MYO1F: variants seen among roughly 807,000 people sequenced by gnomAD.
MYO1F encodes the protein myosin IF.
MYO1F carries 60 observed loss-of-function variants against 146.6 expected under a neutral mutation model. That is an observed-to-expected ratio of 0.41 (90% CI 0.33 to 0.51). The LOEUF is 0.51. Among genes scored for constraint, MYO1F ranks in the 20% least tolerant of loss-of-function variants. The pLI, the probability that MYO1F is intolerant of heterozygous loss-of-function variation, is 0.25. For missense variants in MYO1F, 1,274 were observed against 1,534.3 expected (o/e 0.83, Z 2.83); for synonymous variants, 602 against 602.1 (o/e 1.00, Z 0.00).
intron 16 of MYO1F, 117 bp from the exon 17 acceptor site, chr19:8,537,172 GGTAAC>G (rs1406286469): frequency 1.1e-5 from 8 of 726,916 alleles, no homozygotes; most frequent in Non-Finnish European, 1.9e-5. Flanking sequence ...GGTGAGGGCT[GGTAAC>G]AGATAAGCCA....
rs757164846 is a variant in MYO1F at position 8,536,995 on chromosome 19, T to C, written c.1753A>G (p.Ile585Val). The change falls in exon 17 of 28, where the codon ATC becomes GTC. Residue 585 changes from isoleucine (I) to valine (V), a missense_variant. Around this residue, in one of 2 missense-constraint regions of MYO1F, gnomAD observed 900 missense variants for 1,155.1 expected, o/e 0.78. Transcript: ENST00000644032. ...MRCTPHYIRC[I>V]KPNETKRPRD... Reference sequence around the variant, plus strand: ...GGCCTCTTGGTCTCGTTGGGTTTGATGCAGCGGATGTAGTGGGGTGTGCAC... The same window carrying C: ...GGCCTCTTGGTCTCGTTGGGTTTGACGCAGCGGATGTAGTGGGGTGTGCAC... The C allele has an allele frequency of 6.2e-7, 1 of 1,612,428 alleles. No homozygotes were observed. The highest frequency in any genetic ancestry group is 2.2e-5 in the East Asian group (1 of 44,754).
At chr19:8,538,573 C>G (rs1308826792) in intron 16 of MYO1F, among the ~76,000 whole-genome samples, 1 of 149,874 alleles carries the variant, frequency 6.7e-6, no homozygotes, top group Non-Finnish European at 1.5e-5. Flanking sequence ...TGAGCCATTG[C>G]TCCCGGTCTG....
chr19:8,552,998 C>T (rs560118407), intron 6 of MYO1F, 141 bp downstream of exon 6: 3 of 811,828 alleles, frequency 3.7e-6, no homozygotes, highest in Non-Finnish European at 6.4e-6. Flanking sequence ...AAGTGAGTCT[C>T]CCCTTCAGGA....
chr19:8,532,889 GAAAA>G (rs60096210), intron 19 of MYO1F, among the ~76,000 whole-genome samples: 1 of 113,746 alleles, frequency 8.8e-6, no homozygotes, highest in Admixed American at 9.5e-5. Context: ...TCCTGTCTCA[GAAAA>G]AAAAAAAAAT....
At chr19:8,526,396 A>C in intron 24 of MYO1F, 57 bp downstream of exon 24, 2 of 1,542,282 alleles carry the variant, frequency 1.3e-6, no homozygotes, top group Non-Finnish European at 1.7e-6. Context: ...GCCTTCGTCC[A>C]CTCTTAACCA....
chr19:8,556,059 C>T lies in MYO1F; in HGVS notation c.4-263G>A, dbSNP rs934137877. ...ATTTATTTATTTTGAGACAGAGTCT[C>T]ACTCTGTCAGTCAGGCTGGGGTGCA... On this transcript the variant is annotated intron_variant, in intron 1 of 27. Coordinates refer to ENST00000644032, the MANE Select transcript of MYO1F (RefSeq NM_012335.4). 2.6e-5 allele frequency among the ~76,000 whole-genome samples: 4 copies of T among 151,394 alleles called. No homozygotes were observed. The South Asian group carries it at 6.3e-4, about 24-fold the overall frequency.
intron 1 of MYO1F, among the ~76,000 whole-genome samples, chr19:8,559,810 C>T (rs970866163): frequency 8.6e-5 from 13 of 151,828 alleles, no homozygotes; most frequent in East Asian, 3.9e-4. Flanking sequence ...ATTAGCTGGG[C>T]GTGGTGGCGC....
chr19:8,552,208 G>C, intron 6 of MYO1F, 44 bp from the exon 7 acceptor site: 1 of 1,612,456 alleles, frequency 6.2e-7, no homozygotes, highest in South Asian at 1.1e-5. Context: ...GTCCTGGGGT[G>C]CAGGTGGGGG....
chr19:8,553,894 A>ACACACACACACACACTCTCT, intron 4 of MYO1F, among the ~76,000 whole-genome samples: 43 of 102,658 alleles, frequency 4.2e-4, no homozygotes, highest in African/African-American at 1.4e-3. Flanking sequence ...ACACACACAC[A>ACACACACACACACACTCTCT]CTCTCTCTCT....
At position 8,536,943 on chromosome 19, in the gene MYO1F, G is replaced by A. The variant is rs1303729551; in HGVS notation, c.1799+6C>T. The stretch of plus-strand genomic sequence containing the variant: ...AATGAATCTTGGATTGGTTGGGGGG[G>A]ATCACCTGTTCTCCTCCCAGTCTCG... On this transcript the variant is annotated splice_donor_region_variant and intron_variant, in intron 17 of 27. Coordinates refer to ENST00000644032, the MANE Select transcript of MYO1F (RefSeq NM_012335.4). The A allele has an allele frequency of 7.4e-7, 1 of 1,351,248 alleles. No individual in the cohort carries two copies. Among genetic ancestry groups the A allele is most frequent in the Non-Finnish European group, 1.0e-6 (1 of 997,604 alleles). The allele number at this position is 1,351,248 out of a possible 1,614,324, so 83.7% of individuals were successfully genotyped here. A position where few individuals can be genotyped will look rare whatever the true frequency, so the allele number is the denominator to read the frequency against.
intron 2 of MYO1F, 48 bp from the exon 3 acceptor site, chr19:8,554,791 C>G (rs1319915867): frequency 6.5e-7 from 1 of 1,550,320 alleles, no homozygotes; most frequent in East Asian, 2.2e-5. Context: ...GTTTTGTCCT[C>G]CCTGTCCCCT....
chr19:8,548,003 G>A (rs760271243), intron 12 of MYO1F, 33 bp downstream of exon 12: 70 of 655,498 alleles, frequency 1.1e-4, no homozygotes, highest in Admixed American at 2.3e-4. Context: ...CCCCACCCCA[G>A]GATCCCCCAT....
chr19:8,567,793 C>T (rs191704219), intron 1 of MYO1F, among the ~76,000 whole-genome samples: 7 of 152,226 alleles, frequency 4.6e-5, no homozygotes, highest in Admixed American at 2.0e-4. Flanking sequence ...TATCAGAGAT[C>T]GCCGGGGTTG....
intron 1 of MYO1F, among the ~76,000 whole-genome samples, chr19:8,561,386 C>T (rs1974102716): frequency 8.0e-6 from 1 of 124,696 alleles, no homozygotes; most frequent in African/African-American, 3.0e-5. Context: ...CCCTTCCCCC[C>T]TTCTTTCCTT....
intron 1 of MYO1F, among the ~76,000 whole-genome samples, chr19:8,573,634 G>A (rs949223357): frequency 6.6e-6 from 1 of 152,124 alleles, no homozygotes; most frequent in Non-Finnish European, 1.5e-5. Flanking sequence ...TGGATCACTT[G>A]AGGTTAGGAG....
chr19:8,545,810 C>G, intron 12 of MYO1F, 74 bp from the exon 13 acceptor site: 2 of 1,011,192 alleles, frequency 2.0e-6, no homozygotes, highest in East Asian at 4.8e-5. Flanking sequence ...TGTCCTCTCC[C>G]CTTCTCCATC....
chr19:8,571,844 G>A (rs911841402), intron 1 of MYO1F, among the ~76,000 whole-genome samples: 2 of 151,974 alleles, frequency 1.3e-5, no homozygotes, highest in Admixed American at 6.6e-5. Flanking sequence ...TGATCTGCCC[G>A]CCTCGGCCTC....
intron 1 of MYO1F, 90 bp from the exon 2 acceptor site, chr19:8,555,886 A>T (rs557717296): frequency 7.7e-7 from 1 of 1,299,914 alleles, no homozygotes; most frequent in African/African-American, 1.5e-5. Flanking sequence ...GTTCTGTCCC[A>T]CCTCCCCCGC....
At chr19:8,533,835 A>G (rs1170450752) in intron 19 of MYO1F, among the ~76,000 whole-genome samples, 1 of 152,206 alleles carries the variant, frequency 6.6e-6, no homozygotes, top group Non-Finnish European at 1.5e-5. Flanking sequence ...GCTGGGCCAC[A>G]AAGGCCAACA....
Sources: allele counts gnomAD v4.1 joint callset (sites outside exome capture counted in the v4.1 genomes callset), GRCh38; gene constraint gnomAD v4.1.1; regional missense constraint gnomAD v4.1.1; transcripts MANE v1.5; gene names NCBI Gene and HGNC (gene_info 2026-07-23, HGNC 2026-07-21).